EPHB1: variants seen among roughly 807,000 people sequenced by gnomAD.
EPHB1 encodes the protein ephrin type-B receptor 1.
A neutral mutation model predicts 94.4 loss-of-function variants in EPHB1; 30 were observed. That is an observed-to-expected ratio of 0.32 (90% CI 0.24 to 0.43). EPHB1 has a LOEUF of 0.43. Ranked by LOEUF, EPHB1 falls within the 20% of genes least tolerant of loss-of-function variation. EPHB1 has a pLI of 1.00. For missense variants in EPHB1, 1,055 were observed against 1,308.3 expected (o/e 0.81, Z 2.99); for synonymous variants, 522 against 489.1 (o/e 1.07, Z -0.89).
intron 3 of EPHB1, among the ~76,000 whole-genome samples, chr3:134,980,759 A>T (rs895412540): frequency 1.3e-5 from 2 of 152,220 alleles, no homozygotes; most frequent in African/African-American, 4.8e-5. Context: ...GTCTTCATGT[A>T]AGATGAGTTA....
chr3:134,971,194 T>G (rs1037526987), intron 3 of EPHB1, among the ~76,000 whole-genome samples: 4 of 152,164 alleles, frequency 2.6e-5, no homozygotes, highest in Non-Finnish European at 5.9e-5. Context: ...GAATCTGAGA[T>G]GCAAGCAGCA....
intron 12 of EPHB1, among the ~76,000 whole-genome samples, chr3:135,204,425 C>T (rs1230260369): frequency 1.3e-5 from 2 of 152,066 alleles, no homozygotes; most frequent in African/African-American, 2.4e-5. Flanking sequence ...AGGCTGGTCT[C>T]GAACTCTTGA....
At chr3:135,132,297 G>A (rs1227425566) in intron 4 of EPHB1, among the ~76,000 whole-genome samples, 1 of 147,394 alleles carries the variant, frequency 6.8e-6, no homozygotes, top group Non-Finnish European at 1.5e-5. Flanking sequence ...TTTTTGGAGG[G>A]GCCACTCATA....
At chr3:134,871,415 C>T (rs1387494891) in intron 1 of EPHB1, among the ~76,000 whole-genome samples, 1 of 152,046 alleles carries the variant, frequency 6.6e-6, no homozygotes, top group Non-Finnish European at 1.5e-5. Context: ...GGTCCCCAGG[C>T]ACTGGAGTGA....
At chr3:135,242,382 G>C (rs1355332579) in intron 13 of EPHB1, among the ~76,000 whole-genome samples, 1 of 152,160 alleles carries the variant, frequency 6.6e-6, no homozygotes, top group African/African-American at 2.4e-5. Context: ...TGCTAGGGTG[G>C]ACACTGAGGA....
chr3:134,909,131 A>G, intron 1 of EPHB1, among the ~76,000 whole-genome samples: 1 of 146,182 alleles, frequency 6.8e-6, no homozygotes, highest in African/African-American at 2.6e-5. Context: ...GCGGGCTGGA[A>G]GAAAAGCTGA....
At chr3:135,072,363 G>A (rs911727573) in intron 3 of EPHB1, among the ~76,000 whole-genome samples, 1 of 152,172 alleles carries the variant, frequency 6.6e-6, no homozygotes, top group African/African-American at 2.4e-5. Context: ...CAGCCTGGGT[G>A]ACAGAGTGAG....
At position 135,050,749 on chromosome 3, in the gene EPHB1, A is replaced by G. The variant is rs186509357; in HGVS notation, c.806-55699A>G. Among the ~76,000 whole-genome samples, 469 of 151,222 alleles carry G rather than the reference A, an allele frequency of 3.1e-3. 3 individuals are homozygous for G. The highest frequency in any genetic ancestry group is 0.011 in the African/African-American group (446 of 41,088). On this transcript the variant is annotated intron_variant, in intron 3 of 15. Coordinates refer to ENST00000398015, the MANE Select transcript of EPHB1 (RefSeq NM_004441.5). Reference sequence around the variant, plus strand: ...CTCTGGTTGTTTAAAAGAATGTGGCACCTCCCCCATGCTCTCTTGCTTCCT... The same window carrying G: ...CTCTGGTTGTTTAAAAGAATGTGGCGCCTCCCCCATGCTCTCTTGCTTCCT...
intron 1 of EPHB1, chr3:134,840,425 T>C (rs1320660530): frequency 6.6e-6 from 1 of 152,168 alleles, no homozygotes; most frequent in Non-Finnish European, 1.5e-5. Flanking sequence ...TTTTAAATGA[T>C]GACAAAAATG....
At chr3:134,910,159 C>A (rs1157077032) in intron 1 of EPHB1, among the ~76,000 whole-genome samples, 1 of 152,194 alleles carries the variant, frequency 6.6e-6, no homozygotes, top group Non-Finnish European at 1.5e-5. Context: ...TGGAAGTTAT[C>A]TAGTCCCTAA....
intron 14 of EPHB1, among the ~76,000 whole-genome samples, chr3:135,248,954 G>T (rs1207128741): frequency 2.0e-5 from 3 of 151,936 alleles, no homozygotes; most frequent in African/African-American, 4.8e-5. Context: ...GAAAAACAAT[G>T]TTACCAATAT....
In EPHB1 at chr3:135,119,205, A is replaced by G. The variant is rs1939842914; in HGVS notation, c.961+12602A>G. ...TAACCCTTGCCTTTTTCTATATTTA[A>G]AAATTGATTTCTAGATGACAATTAA... is the stretch of plus-strand genomic sequence containing the variant. On this transcript the variant is annotated intron_variant, in intron 4 of 15. Transcript: ENST00000398015. Among the ~76,000 whole-genome samples, 3 of 152,194 alleles carry G rather than the reference A, an allele frequency of 2.0e-5. No individual in the cohort carries two copies. The South Asian group carries it at 6.2e-4, about 32-fold the overall frequency.
chr3:135,096,765 G>T (rs189088241), intron 3 of EPHB1, among the ~76,000 whole-genome samples: 20 of 152,248 alleles, frequency 1.3e-4, no homozygotes, highest in African/African-American at 4.6e-4. Flanking sequence ...CTCCACCCTC[G>T]TGACTTAATT....
intron 1 of EPHB1, among the ~76,000 whole-genome samples, chr3:134,865,942 T>G (rs557753768): frequency 6.6e-6 from 1 of 152,364 alleles, no homozygotes; most frequent in African/African-American, 2.4e-5. Flanking sequence ...CTACGTTATC[T>G]GGAGAAAGGT....
chr3:134,961,498 TA>T (rs1252820191), intron 3 of EPHB1, among the ~76,000 whole-genome samples: 1 of 152,224 alleles, frequency 6.6e-6, no homozygotes, highest in Admixed American at 6.5e-5. Flanking sequence ...TTGTTGTTAC[TA>T]AAAACATTTT....
At chr3:135,047,892 GC>G (rs1268284681) in intron 3 of EPHB1, among the ~76,000 whole-genome samples, 1 of 152,184 alleles carries the variant, frequency 6.6e-6, no homozygotes, top group Admixed American at 6.5e-5. Context: ...GCACAGGACA[GC>G]CCCTCCCCCT....
At chr3:134,923,623 G>A (rs563546104) in intron 1 of EPHB1, among the ~76,000 whole-genome samples, 1 of 152,304 alleles carries the variant, frequency 6.6e-6, no homozygotes, top group Admixed American at 6.5e-5. Flanking sequence ...GGAGTGGGTA[G>A]CTCTTTGGGA....
chr3:134,795,614 G>A lies in EPHB1; in HGVS notation c.-18G>A, dbSNP rs182007947. The A allele has an allele frequency of 1.0e-4, 166 of 1,603,566 alleles. 3 individuals carry two copies. The Admixed American group carries it at 2.6e-3, about 25-fold the overall frequency. ...TGCTGCCTCGGCTTGGTCTCGGCCT[G>A]CGGGCCGTCGGCCGGCGATGGCCCT... On this transcript the variant is annotated 5_prime_UTR_variant, in exon 1 of 16. Coordinates refer to ENST00000398015, the MANE Select transcript of EPHB1 (RefSeq NM_004441.5).
chr3:135,098,130 C>G (rs75386152), intron 3 of EPHB1, among the ~76,000 whole-genome samples: 2,763 of 152,266 alleles, frequency 0.018, 86 homozygotes, highest in African/African-American at 0.064. Flanking sequence ...TTCACCCTGA[C>G]CTGCTATGCT....
Sources: allele counts gnomAD v4.1 joint callset (sites outside exome capture counted in the v4.1 genomes callset), GRCh38; gene constraint gnomAD v4.1.1; transcripts MANE v1.5; gene names NCBI Gene and HGNC (gene_info 2026-07-23, HGNC 2026-07-21).